HEPH: variants seen among roughly 807,000 people sequenced by gnomAD.
HEPH encodes the protein hephaestin.
A neutral mutation model predicts 80.8 loss-of-function variants in HEPH; 69 were observed. That is an observed-to-expected ratio of 0.85 (90% CI 0.70 to 1.04). The LOEUF is 1.04. HEPH is among the 50% of genes least tolerant of loss of function. HEPH has a pLI of 0.00. For synonymous variants in HEPH, 431 were observed against 322.8 expected (o/e 1.34, Z -3.60); for missense variants, 1,115 against 891.3 (o/e 1.25, Z -3.20).
chrX:66,194,522 T>C (rs1185706387), intron 8 of HEPH, among the ~76,000 whole-genome samples: 1 of 112,090 alleles, frequency 8.9e-6, no homozygotes, highest in East Asian at 2.8e-4. Flanking sequence ...CTAAGCTAGA[T>C]TACATGTGGT....
intron 20 of HEPH, 143 bp downstream of exon 20, chrX:66,263,831 C>A: frequency 1.8e-6 from 1 of 555,076 alleles, no homozygotes; most frequent in East Asian, 3.8e-5. Context: ...TTCTGCAAGA[C>A]TTCAGAAGCC....
chrX:66,227,115 G>A (rs1390275733), intron 15 of HEPH, among the ~76,000 whole-genome samples: 1 of 112,009 alleles, frequency 8.9e-6, no homozygotes, highest in African/African-American at 3.2e-5. Context: ...AAAGTATGCA[G>A]GGATGTTTTA....
chrX:66,164,117 T>C, upstream of HEPH: 1 of 545,118 alleles, frequency 1.8e-6, no homozygotes, highest in South Asian at 9.4e-5. Flanking sequence ...TAGCAAGTCC[T>C]GATAACAGAA....
In HEPH at chrX:66,206,529, AT is replaced by A. The variant is rs1157953703; in HGVS notation, c.2292-656del. ...GGGCACAAGCCACTACACCCAGCTGATTTTTTTTTTAATTTTTAGTAGAGAT... is the reference window on the plus strand; with the variant it reads ...GGGCACAAGCCACTACACCCAGCTGATTTTTTTTTAATTTTTAGTAGAGAT... On this transcript the variant is annotated intron_variant, in intron 13 of 20. Transcript: ENST00000343002. Among the ~76,000 whole-genome samples the A allele has an allele frequency of 6.9e-5, 7 of 101,943 alleles. No individual in the cohort carries two copies. In the East Asian group the frequency reaches 9.2e-4, roughly 13 times the overall value. 88.5% of individuals were successfully genotyped at this position (101,943 alleles called of 115,157 possible).
chrX:66,218,897 G>T (rs1396296267), intron 15 of HEPH, among the ~76,000 whole-genome samples: 1 of 112,047 alleles, frequency 8.9e-6, no homozygotes, highest in Admixed American at 9.4e-5. Context: ...CAGGCCTAGG[G>T]TGTGGCACCG....
At chrX:66,237,444 G>A (rs2090407214) in intron 15 of HEPH, among the ~76,000 whole-genome samples, 2 of 112,014 alleles carry the variant, frequency 1.8e-5, no homozygotes, top group Admixed American at 1.9e-4. Context: ...ATGGTTTTGA[G>A]TGAATTTCTT....
chrX:66,245,027 G>T (rs1378553185), intron 15 of HEPH, among the ~76,000 whole-genome samples: 1 of 110,590 alleles, frequency 9.0e-6, no homozygotes, highest in Non-Finnish European at 1.9e-5. Flanking sequence ...GCCAACTGAG[G>T]ACCAATTGTA....
At chrX:66,201,246 T>C (rs1223227244) in intron 12 of HEPH, among the ~76,000 whole-genome samples, 1 of 109,668 alleles carries the variant, frequency 9.1e-6, no homozygotes, top group African/African-American at 3.3e-5. Context: ...TGTGTGTGTT[T>C]GTGTGTGTGT....
intron 15 of HEPH, among the ~76,000 whole-genome samples, chrX:66,254,273 C>T (rs1484303759): frequency 9.0e-6 from 1 of 110,636 alleles, no homozygotes; most frequent in Non-Finnish European, 1.9e-5. Flanking sequence ...GAGGATGGTT[C>T]TAAAATATAG....
At chrX:66,213,837 T>C (rs1024319595) in intron 15 of HEPH, among the ~76,000 whole-genome samples, 6 of 112,427 alleles carry the variant, frequency 5.3e-5, no homozygotes, top group African/African-American at 1.9e-4. Flanking sequence ...TCTGCCTTTG[T>C]CAATAGCAAT....
At chrX:66,190,616 G>A (rs756242779) in intron 6 of HEPH, among the ~76,000 whole-genome samples, 5 of 112,016 alleles carry the variant, frequency 4.5e-5, no homozygotes, top group Non-Finnish European at 5.6e-5. Context: ...AAATGGGAAA[G>A]TTGGTCTAAA....
At chrX:66,248,750 C>A (rs182259157) in intron 15 of HEPH, among the ~76,000 whole-genome samples, 74 of 111,912 alleles carry the variant, frequency 6.6e-4, no homozygotes, top group African/African-American at 2.2e-3. Flanking sequence ...ATGAAAAAGG[C>A]ATTACATTTG....
At chrX:66,186,234 G>T (rs1251797377) in intron 4 of HEPH, among the ~76,000 whole-genome samples, 1 of 99,546 alleles carries the variant, frequency 1.0e-5, no homozygotes, top group Non-Finnish European at 2.0e-5. Context: ...GCTCCCCCCA[G>T]TTCGAGCTTC....
At chrX:66,228,345 G>A (rs1048678950) in intron 15 of HEPH, among the ~76,000 whole-genome samples, 6 of 112,332 alleles carry the variant, frequency 5.3e-5, no homozygotes, top group African/African-American at 1.9e-4. Flanking sequence ...GTGGAACACA[G>A]CAAAACCATA....
At chrX:66,231,551 A>C (rs769189577) in intron 15 of HEPH, among the ~76,000 whole-genome samples, 65 of 109,736 alleles carry the variant, frequency 5.9e-4, no homozygotes, top group African/African-American at 1.9e-3. Context: ...TGTGAATGGG[A>C]GTTCACTCAT....
chrX:66,212,242 C>G (rs1368961787), intron 15 of HEPH, among the ~76,000 whole-genome samples: 2 of 104,878 alleles, frequency 1.9e-5, no homozygotes, highest in Admixed American at 2.1e-4. Flanking sequence ...TAGTATTAGT[C>G]TCCTGTCAAA....
intron 10 of HEPH, among the ~76,000 whole-genome samples, chrX:66,198,259 T>G (rs1171127335): frequency 9.3e-6 from 1 of 107,683 alleles, no homozygotes; most frequent in Non-Finnish European, 1.9e-5. Context: ...TGCTTTAATA[T>G]TTGCTTGTCT....
chrX:66,192,351 AC>A (rs2087844559), intron 7 of HEPH, 53 bp downstream of exon 7: 1 of 1,044,483 alleles, frequency 9.6e-7, no homozygotes, highest in African/African-American at 1.9e-5. Context: ...CCAGCTCCAA[AC>A]ATTTATTATC....
At chrX:66,207,087 TTC>T (rs1491340246) in intron 13 of HEPH, 106 bp from the exon 14 acceptor site, 1 of 609,756 alleles carries the variant, frequency 1.6e-6, no homozygotes, top group Non-Finnish European at 2.4e-6. Flanking sequence ...CCTTTTTTTT[TTC>T]TGTCTGTGAC....
Sources: gnomAD v4.1 joint callset for allele counts (sites outside exome capture counted in the v4.1 genomes callset) on GRCh38, gnomAD v4.1.1 for gene constraint, MANE v1.5 for transcripts, NCBI Gene and HGNC (gene_info 2026-07-23, HGNC 2026-07-21) for gene names.